DERA: variants seen among roughly 807,000 people sequenced by gnomAD.
The protein encoded by DERA is 2-deoxy-D-ribose 5-phosphate aldolase.
DERA carries 15 observed loss-of-function variants against 41.1 expected under a neutral mutation model. The ratio of observed to expected loss-of-function variants is 0.37; its 90% CI spans 0.24 to 0.56. DERA has a LOEUF of 0.56. DERA is among the 20% of genes least tolerant of loss of function. The probability of loss-of-function intolerance (pLI) is 0.81; values close to 1 mark genes in which losing one functional copy is unlikely to be tolerated. For synonymous variants in DERA, 139 were observed against 137.4 expected (o/e 1.01, Z -0.08); for missense variants, 396 against 403.4 (o/e 0.98, Z 0.16).
chr12:15,917,481 G>A (rs1948209245), intron 1 of DERA, among the ~76,000 whole-genome samples: 2 of 152,096 alleles, frequency 1.3e-5, no homozygotes. Context: ...TTCATAGAGT[G>A]CTTTTCTAAC....
chr12:15,969,956 T>G (rs1948649207), intron 5 of DERA, among the ~76,000 whole-genome samples: 1 of 152,252 alleles, frequency 6.6e-6, no homozygotes, highest in Non-Finnish European at 1.5e-5. Flanking sequence ...TATGCTTTTA[T>G]GATTTTCATT....
rs10641594 is a variant in DERA at position 15,923,701 on chromosome 12, C to CTTT, written c.31+12298_31+12300dup. 3.2e-3 allele frequency among the ~76,000 whole-genome samples: 473 copies of CTTT among 146,176 alleles called. 5 individuals are homozygous for CTTT. The highest frequency in any genetic ancestry group is 5.0e-3 in the Non-Finnish European group (334 of 66,664). ...TGGCAGAATATTGGTTATAGTCTTC[C>CTTT]TTTTTTTTTTTTTCATAAAAATATC... On this transcript the variant is annotated intron_variant, in intron 1 of 8. Coordinates refer to ENST00000428559, the MANE Select transcript of DERA (RefSeq NM_015954.4).
In DERA at chr12:15,999,244, C is replaced by T. The variant is rs2136172066; in HGVS notation, c.637+16808C>T. Among the ~76,000 whole-genome samples, 1 of 152,130 alleles carries T rather than the reference C, an allele frequency of 6.6e-6. No individual in the cohort carries two copies. The highest frequency in any genetic ancestry group is 1.9e-4 in the East Asian group (1 of 5,182). ...GGTTCATCCAAATATTTGATGAAGGCATAATGTTTATCAGACACTATTCTA... is the reference window on the plus strand; with the variant it reads ...GGTTCATCCAAATATTTGATGAAGGTATAATGTTTATCAGACACTATTCTA... On this transcript the variant is annotated intron_variant, in intron 6 of 8. Coordinates refer to ENST00000428559, the MANE Select transcript of DERA (RefSeq NM_015954.4). This position sits in a 1 kb window ranked among gnomAD's most constrained non-coding sequence, Gnocchi z 5.3.
chr12:15,995,444 C>A lies in DERA; in HGVS notation c.637+13008C>A, dbSNP rs745601661. 4.6e-5 allele frequency among the ~76,000 whole-genome samples: 7 copies of A among 152,170 alleles called. No homozygotes were observed. Among genetic ancestry groups the A allele is most frequent in the Non-Finnish European group, 1.0e-4 (7 of 68,026 alleles). On this transcript the variant is annotated intron_variant, in intron 6 of 8. Coordinates refer to ENST00000428559, the MANE Select transcript of DERA (RefSeq NM_015954.4). This position sits in a 1 kb window ranked among gnomAD's most constrained non-coding sequence, Gnocchi z 5.1. ...TTCCACTGTTATTTGTGTTTAGCTA[C>A]TCTGTTGATGTCCCTGTAGTGATGC...
At chr12:15,969,270 A>C (rs993164609) in intron 5 of DERA, among the ~76,000 whole-genome samples, 1 of 152,168 alleles carries the variant, frequency 6.6e-6, no homozygotes. Context: ...TGTTCATTTT[A>C]CTTTTTTTAT....
At chr12:15,914,936 C>G (rs542864408) in intron 1 of DERA, among the ~76,000 whole-genome samples, 1 of 152,076 alleles carries the variant, frequency 6.6e-6, no homozygotes, top group African/African-American at 2.4e-5. Context: ...CCACCAAGCC[C>G]GGCTAATATT....
chr12:15,981,497 G>A lies in DERA; in HGVS notation c.509-811G>A, dbSNP rs1021075716. On this transcript the variant is annotated intron_variant, in intron 5 of 8. Coordinates refer to ENST00000428559, the MANE Select transcript of DERA (RefSeq NM_015954.4). This position sits in a 1 kb window ranked among gnomAD's most constrained non-coding sequence, Gnocchi z 6.1. The stretch of plus-strand genomic sequence containing the variant: ...GGCCTGAAAAAGCCAAAATTCACTA[G>A]TATCATTGACAAAAGACTTAAATAA... Among the ~76,000 whole-genome samples, 2 of 152,194 alleles carry A rather than the reference G, an allele frequency of 1.3e-5. No individual in the cohort carries two copies. Among genetic ancestry groups the A allele is most frequent in the African/African-American group, 4.8e-5 (2 of 41,442 alleles).
In DERA at chr12:16,034,842, G is replaced by A. The variant is rs557485484; in HGVS notation, c.751-1390G>A. Among the ~76,000 whole-genome samples the A allele has an allele frequency of 8.5e-5, 13 of 152,118 alleles. No individual in the cohort carries two copies. The South Asian group carries it at 2.7e-3, about 32-fold the overall frequency. On this transcript the variant is annotated intron_variant, in intron 7 of 8. Coordinates refer to ENST00000428559, the MANE Select transcript of DERA (RefSeq NM_015954.4). ...ACTGAACTGTATAGGAAATCTGTAA[G>A]AAGCACTGCCTAATTGACAAAAATG...
chr12:15,946,595 A>C (rs936772712), intron 1 of DERA, among the ~76,000 whole-genome samples: 2 of 148,866 alleles, frequency 1.3e-5, no homozygotes, highest in African/African-American at 4.9e-5. Flanking sequence ...TTTTTATTGC[A>C]TCTATTTGAT....
At chr12:15,997,175 A>G (rs1948843699) in intron 6 of DERA, among the ~76,000 whole-genome samples, 1 of 152,164 alleles carries the variant, frequency 6.6e-6, no homozygotes, top group Non-Finnish European at 1.5e-5. Context: ...ATCAAAAGTT[A>G]TTCTCTATCA....
At chr12:16,023,510 C>G (rs1222481479) in intron 6 of DERA, among the ~76,000 whole-genome samples, 1 of 139,096 alleles carries the variant, frequency 7.2e-6, no homozygotes, top group Non-Finnish European at 1.5e-5. Context: ...CGGAGTCTCG[C>G]TCTGTCACCC....
Position 15,995,817 on chromosome 12 carries a change from AAT to A in DERA, c.637+13384_637+13385del, listed in dbSNP as rs1318071431. Among the ~76,000 whole-genome samples, 7 of 152,240 alleles carry A rather than the reference AAT, an allele frequency of 4.6e-5. No individual in the cohort carries two copies. The highest frequency in any genetic ancestry group is 1.5e-5 in the Non-Finnish European group (1 of 68,048). On this transcript the variant is annotated intron_variant, in intron 6 of 8. Coordinates refer to ENST00000428559, the MANE Select transcript of DERA (RefSeq NM_015954.4). The surrounding 1 kb of genome is among the most constrained non-coding windows in gnomAD (Gnocchi z 5.1). ...GGAGGAGGAAAATCCTTGGGGTTGTAATATTATGTTCAAATACTTGGAAGATT... is the reference window on the plus strand; with the variant it reads ...GGAGGAGGAAAATCCTTGGGGTTGTAATTATGTTCAAATACTTGGAAGATT...
chr12:15,995,528 C>T lies in DERA; in HGVS notation c.637+13092C>T, dbSNP rs144429999. Among the ~76,000 whole-genome samples the T allele has an allele frequency of 2.9e-3, 447 of 152,198 alleles. 4 individuals are homozygous for T. The highest frequency in any genetic ancestry group is 6.8e-3 in the Middle Eastern group (2 of 294). On this transcript the variant is annotated intron_variant, in intron 6 of 8. Transcript: ENST00000428559. This position sits in a 1 kb window ranked among gnomAD's most constrained non-coding sequence, Gnocchi z 5.1. ...GCCACTTGAGTTCTGTACTTTTCTTCCAGACTCTCTTACCTAGGGTGCCCA... is the reference window on the plus strand; with the variant it reads ...GCCACTTGAGTTCTGTACTTTTCTTTCAGACTCTCTTACCTAGGGTGCCCA...
chr12:15,948,903 G>A (rs1014887732), intron 1 of DERA, among the ~76,000 whole-genome samples: 2 of 152,144 alleles, frequency 1.3e-5, no homozygotes, highest in Non-Finnish European at 2.9e-5. Flanking sequence ...CTGTTTGTTA[G>A]TTTTCCTTCT....
intron 1 of DERA, among the ~76,000 whole-genome samples, chr12:15,947,209 G>C (rs1305648820): frequency 6.6e-6 from 1 of 152,218 alleles, no homozygotes; most frequent in Non-Finnish European, 1.5e-5. Context: ...GAGTTCTGTA[G>C]ATGTCTATTA....
At position 15,959,303 on chromosome 12, in the gene DERA, A is replaced by G. The variant is rs1211979615; in HGVS notation, c.278-526A>G. Among the ~76,000 whole-genome samples the G allele has an allele frequency of 6.6e-6, 1 of 152,226 alleles. No homozygotes were observed. The highest frequency in any genetic ancestry group is 1.5e-5 in the Non-Finnish European group (1 of 68,026). ...TGACTATTTGAATTCTAAATTTTTTAAAATTTATGAACTTATTTCTTAAAA... is the reference window on the plus strand; with the variant it reads ...TGACTATTTGAATTCTAAATTTTTTGAAATTTATGAACTTATTTCTTAAAA... On this transcript the variant is annotated intron_variant, in intron 3 of 8. Transcript: ENST00000428559. This position sits in a 1 kb window ranked among gnomAD's most constrained non-coding sequence, Gnocchi z 4.5.
In DERA at chr12:15,918,121, C is replaced by T. The variant is rs1342211578; in HGVS notation, c.31+6707C>T. Reference sequence around the variant, plus strand: ...AAACACTCCACATGCTTCCCCTGGCCCCAGCAGATGTTCTTCTCACTGTTC... The same window carrying T: ...AAACACTCCACATGCTTCCCCTGGCTCCAGCAGATGTTCTTCTCACTGTTC... On this transcript the variant is annotated intron_variant, in intron 1 of 8. Transcript: ENST00000428559. The surrounding 1 kb of genome is among the most constrained non-coding windows in gnomAD (Gnocchi z 4.3). 1.3e-5 allele frequency among the ~76,000 whole-genome samples: 2 copies of T among 152,162 alleles called. No homozygotes were observed. The highest frequency in any genetic ancestry group is 2.4e-5 in the African/African-American group (1 of 41,436).
rs1948305919 is a variant in DERA, at chr12:15,928,775, G to A, written c.31+17361G>A. 6.6e-6 allele frequency among the ~76,000 whole-genome samples: 1 copy of A among 152,168 alleles called. No homozygotes were observed. Among genetic ancestry groups the A allele is most frequent in the Non-Finnish European group, 1.5e-5 (1 of 68,012 alleles). ...TTCCTGGGAAAGGTAAGTTTGGTTG[G>A]TACCAAGGAATGACCCTTTATATGT... is the stretch of plus-strand genomic sequence containing the variant. On this transcript the variant is annotated intron_variant, in intron 1 of 8. Coordinates refer to ENST00000428559, the MANE Select transcript of DERA (RefSeq NM_015954.4). This position sits in a 1 kb window ranked among gnomAD's most constrained non-coding sequence, Gnocchi z 4.6.
In DERA at chr12:16,020,744, G is replaced by A. The variant is rs1949012901; in HGVS notation, c.638-11798G>A. 6.6e-6 allele frequency among the ~76,000 whole-genome samples: 1 copy of A among 152,192 alleles called. No individual in the cohort carries two copies. Among genetic ancestry groups the A allele is most frequent in the African/African-American group, 2.4e-5 (1 of 41,458 alleles). On this transcript the variant is annotated intron_variant, in intron 6 of 8. Coordinates refer to ENST00000428559, the MANE Select transcript of DERA (RefSeq NM_015954.4). The surrounding 1 kb of genome is among the most constrained non-coding windows in gnomAD (Gnocchi z 5.5). The stretch of plus-strand genomic sequence containing the variant: ...GTCAAGGCTGAGGAGGTCTCAGATG[G>A]AAATGAGGAAGTTATTGAGAACTGG...
Sources: allele counts gnomAD v4.1 joint callset (sites outside exome capture counted in the v4.1 genomes callset), GRCh38; gene constraint gnomAD v4.1.1; non-coding constraint Gnocchi (gnomAD v3.1); transcripts MANE v1.5; gene names NCBI Gene and HGNC (gene_info 2026-07-23, HGNC 2026-07-21).